The following EIF1AX variants were observed in gnomAD, a reference collection of about 807,000 sequenced individuals.
The protein encoded by EIF1AX is eukaryotic translation initiation factor 1A, X-chromosomal.
Under a neutral mutation model 16.1 loss-of-function variants are expected in EIF1AX, and 1 was observed. That is an observed-to-expected ratio of 0.06 (90% CI 0.02 to 0.30). The LOEUF is 0.30. EIF1AX is among the 10% of genes least tolerant of loss of function. The probability of loss-of-function intolerance (pLI) is 1.00; values close to 1 mark genes in which losing one functional copy is unlikely to be tolerated. For synonymous variants in EIF1AX, 32 were observed against 37.3 expected (o/e 0.86, Z 0.51); for missense variants, 11 against 109.1 (o/e 0.10, Z 4.00).
chrX:20,139,127 G>C (rs1389504753), intron 1 of EIF1AX, among the ~76,000 whole-genome samples: 1 of 111,666 alleles, frequency 9.0e-6, no homozygotes, highest in Admixed American at 9.4e-5. Context: ...TGTGCGCCTA[G>C]GGTCTCAGCT....
intron 3 of EIF1AX, among the ~76,000 whole-genome samples, chrX:20,134,256 C>T (rs1703787122): frequency 9.0e-6 from 1 of 111,287 alleles, no homozygotes; most frequent in African/African-American, 3.3e-5. Flanking sequence ...GGCGTGGTGG[C>T]ATGCCCTTGT....
In EIF1AX at chrX:20,125,988, T is replaced by C. The variant is rs2066984129; in HGVS notation, c.*2318A>G. 1 of 138,310 alleles carries C rather than the reference T, an allele frequency of 7.2e-6. No individual in the cohort carries two copies. The highest frequency in any genetic ancestry group is 1.4e-5 in the Non-Finnish European group (1 of 69,528). The allele number at this position is 138,310 out of a possible 1,213,427, so 11.4% of individuals were successfully genotyped here. On this transcript the variant is annotated 3_prime_UTR_variant, in exon 7 of 7. Transcript: ENST00000379607. The stretch of plus-strand genomic sequence containing the variant: ...TTTTTTTTACACAAATGTTTGGTTA[T>C]TTAGCCACACTAGTGATAAAACATA...
intron 2 of EIF1AX, chrX:20,136,227 G>A (rs918731485): frequency 2.4e-5 from 8 of 336,267 alleles, no homozygotes; most frequent in African/African-American, 1.9e-4. Flanking sequence ...AAACACGTGT[G>A]CGTGCACACA....
At chrX:20,134,788 G>A (rs2067011230) in intron 3 of EIF1AX, among the ~76,000 whole-genome samples, 1 of 111,571 alleles carries the variant, frequency 9.0e-6, no homozygotes, top group South Asian at 3.7e-4. Flanking sequence ...GGAATAGAAG[G>A]ATTAACATAC....
At position 20,135,749 on chromosome X, in the gene EIF1AX, A is replaced by G. The variant is rs1203045832; in HGVS notation, c.193T>C (p.Leu65=). 2 of 1,196,261 alleles carry G rather than the reference A, an allele frequency of 1.7e-6. No homozygotes were observed. Among genetic ancestry groups the G allele is most frequent in the Non-Finnish European group, 1.1e-6 (1 of 882,616 alleles). The change falls in exon 3 of 7, where the codon TTG becomes CTG. Residue 65 remains leucine, a synonymous_variant. Transcript: ENST00000379607. ...CAAATCACACCTACCTTTTTTCTCA[A>G]TTTTCCTCTGATGTGACATAACCTC... is the stretch of plus-strand genomic sequence containing the variant. ...VKRLCHIRGK[L]RKKVWINTSD...
Position 20,135,244 on chromosome X carries a change from G to A in EIF1AX, c.204+494C>T, listed in dbSNP as rs1281671221. Among the ~76,000 whole-genome samples the A allele has an allele frequency of 3.6e-5, 4 of 109,875 alleles. 1 individual carries two copies. The highest frequency in any genetic ancestry group is 3.8e-5 in the Non-Finnish European group (2 of 52,747). On this transcript the variant is annotated intron_variant, in intron 3 of 6. Transcript: ENST00000379607. ...GGCTGATTGCTTGAGCTGAGGATTC[G>A]AAACCAGCCTAAGCAACATGAAGAA...
chrX:20,128,904 T>C (rs1158960574), intron 6 of EIF1AX, among the ~76,000 whole-genome samples: 1 of 110,659 alleles, frequency 9.0e-6, no homozygotes, highest in Non-Finnish European at 1.9e-5. Flanking sequence ...CGGCTTCATA[T>C]CCATGCATGT....
intron 1 of EIF1AX, among the ~76,000 whole-genome samples, 191 bp downstream of exon 1, chrX:20,141,434 A>T (rs2067033784): frequency 1.8e-5 from 2 of 111,458 alleles, no homozygotes; most frequent in Non-Finnish European, 3.8e-5. Context: ...CAATGTGACC[A>T]AACTGGGCAA....
intron 2 of EIF1AX, chrX:20,136,250 C>A (rs769269463): frequency 2.3e-5 from 8 of 353,042 alleles, no homozygotes; most frequent in East Asian, 1.6e-4. Context: ...CACACACCCC[C>A]CACACACACA....
In EIF1AX at chrX:20,141,833, A is replaced by C; in HGVS notation, c.-193T>G. Reference sequence around the variant, plus strand: ...CCTGCGTCCACGCTCGGCGGCAGCAAATGGCGCCGCGACTCTTTGCGTCGC... The same window carrying C: ...CCTGCGTCCACGCTCGGCGGCAGCACATGGCGCCGCGACTCTTTGCGTCGC... On this transcript the variant is annotated 5_prime_UTR_variant, in exon 1 of 7. In the 5' UTR this introduces an upstream ATG that the reference lacks. Coordinates refer to ENST00000379607, the MANE Select transcript of EIF1AX (RefSeq NM_001412.4). 2.4e-6 allele frequency: 1 copy of C among 414,558 alleles called. No homozygotes were observed. Among genetic ancestry groups the C allele is most frequent in the South Asian group, 4.4e-5 (1 of 22,477 alleles). The allele number at this position is 414,558 out of a possible 1,213,427, so 34.2% of individuals were successfully genotyped here. A position where few individuals can be genotyped will look rare whatever the true frequency, so the allele number is the denominator to read the frequency against.
intron 6 of EIF1AX, among the ~76,000 whole-genome samples, chrX:20,129,307 T>G (rs1053476303): frequency 2.7e-5 from 3 of 111,662 alleles, no homozygotes; most frequent in African/African-American, 9.8e-5. Flanking sequence ...AGAGACAAAG[T>G]CTGGCTATGT....
chrX:20,133,595 T>C (rs1277107708), intron 4 of EIF1AX, among the ~76,000 whole-genome samples: 1 of 110,870 alleles, frequency 9.0e-6, no homozygotes, highest in Non-Finnish European at 1.9e-5. Context: ...AATAGGTGGA[T>C]GTCAAATGGA....
intron 6 of EIF1AX, among the ~76,000 whole-genome samples, chrX:20,130,168 T>C (rs2066996899): frequency 9.2e-6 from 1 of 108,398 alleles, no homozygotes; most frequent in African/African-American, 3.4e-5. Context: ...CCAGGCGTGG[T>C]GGCACGCGCC....
intron 1 of EIF1AX, 76 bp downstream of exon 1, chrX:20,141,549 T>C: frequency 9.1e-7 from 1 of 1,097,474 alleles, no homozygotes; most frequent in South Asian, 2.1e-5. Flanking sequence ...GCGGCCTGGG[T>C]GACCTGCAAT....
chrX:20,141,546 G>A, intron 1 of EIF1AX, 79 bp downstream of exon 1: 2 of 1,093,905 alleles, frequency 1.8e-6, no homozygotes, highest in Non-Finnish European at 2.4e-6. Flanking sequence ...ACTGCGGCCT[G>A]GGTGACCTGC....
At chrX:20,137,760 T>A (rs1196941115) in intron 2 of EIF1AX, among the ~76,000 whole-genome samples, 1 of 111,462 alleles carries the variant, frequency 9.0e-6, no homozygotes, top group East Asian at 2.8e-4. Context: ...CTCAGGCTCA[T>A]CCTTCAAATG....
intron 1 of EIF1AX, chrX:20,139,855 T>C (rs2067028659): frequency 8.9e-6 from 1 of 112,435 alleles, no homozygotes; most frequent in Non-Finnish European, 1.9e-5. Context: ...TGCGCTGTAA[T>C]TCTTAAATTC....
At chrX:20,132,114 CT>C in intron 5 of EIF1AX, 67 bp downstream of exon 5, 1 of 887,844 alleles carries the variant, frequency 1.1e-6, no homozygotes, top group South Asian at 2.7e-5. Context: ...TCCATAGTTC[CT>C]TCACCTAACC....
chrX:20,139,664 C>T (rs1261001109), intron 1 of EIF1AX, among the ~76,000 whole-genome samples: 1 of 110,868 alleles, frequency 9.0e-6, no homozygotes, highest in Non-Finnish European at 1.9e-5. Context: ...ATGGGAAGAG[C>T]TTGGAAGCAG....
Sources: allele counts gnomAD v4.1 joint callset (sites outside exome capture counted in the v4.1 genomes callset), GRCh38; gene constraint gnomAD v4.1.1; transcripts MANE v1.5; gene names NCBI Gene and HGNC (gene_info 2026-07-23, HGNC 2026-07-21).